Variants in USH1C observed in about 807,000 individuals in gnomAD.
USH1C encodes harmonin.
Under a neutral mutation model 119.3 loss-of-function variants are expected in USH1C, and 90 were observed. The ratio of observed to expected loss-of-function variants is 0.75; its 90% CI spans 0.64 to 0.90. The LOEUF (loss-of-function observed/expected upper bound fraction) is 0.90. USH1C is among the 40% of genes least tolerant of loss of function. The pLI is 0.00. For synonymous variants in USH1C, 465 were observed against 443.3 expected, an observed-to-expected ratio of 1.05 and a Z score of -0.62; for missense variants, 1,165 against 1,167.7, an observed-to-expected ratio of 1.00 and a Z score of 0.03.
At chr11:17,530,209 T>C (rs1220612613) in intron 4 of USH1C, among the ~76,000 whole-genome samples, 1 of 152,160 alleles carries the variant, frequency 6.6e-6, no homozygotes, top group Non-Finnish European at 1.5e-5. Flanking sequence ...CTGGAAGCTC[T>C]TGGTGATGGT....
intron 1 of USH1C, among the ~76,000 whole-genome samples, 188 bp downstream of exon 1, chr11:17,544,084 C>T (rs903494715): frequency 1.3e-5 from 2 of 152,248 alleles, no homozygotes; most frequent in African/African-American, 4.8e-5. Flanking sequence ...GCCGGGAGTC[C>T]CCGCATTCCC....
At chr11:17,503,076 A>G (rs1849507014) in intron 20 of USH1C, among the ~76,000 whole-genome samples, 1 of 152,188 alleles carries the variant, frequency 6.6e-6, no homozygotes, top group Non-Finnish European at 1.5e-5. Context: ...CAGATCCCCA[A>G]GCATCTGCCT....
At chr11:17,533,365 C>CCA (rs746560345) in intron 1 of USH1C, 43 bp from the exon 2 acceptor site, 2 of 1,436,868 alleles carry the variant, frequency 1.4e-6, no homozygotes, top group South Asian at 1.1e-5. Flanking sequence ...GGCTCAGCAC[C>CCA]CGCCCCCATA....
At chr11:17,530,735 T>C (rs1167758658) in intron 4 of USH1C, among the ~76,000 whole-genome samples, 2 of 152,232 alleles carry the variant, frequency 1.3e-5, no homozygotes, top group Non-Finnish European at 2.9e-5. Context: ...AAAGCCAGAA[T>C]TGAACCCGGC....
At chr11:17,539,538 C>T (rs1851368486) in intron 1 of USH1C, among the ~76,000 whole-genome samples, 1 of 152,086 alleles carries the variant, frequency 6.6e-6, no homozygotes, top group Non-Finnish European at 1.5e-5. Context: ...GTAGTAAGTC[C>T]TGTGTTTGTT....
intron 1 of USH1C, among the ~76,000 whole-genome samples, chr11:17,543,942 GCTTGCC>G (rs1565078115): frequency 6.6e-6 from 1 of 152,226 alleles, no homozygotes; most frequent in East Asian, 1.9e-4. Flanking sequence ...AAGGAGAGGG[GCTTGCC>G]CACAAAGGGG....
intron 9 of USH1C, 55 bp from the exon 10 acceptor site, chr11:17,523,533 A>G (rs1317326191): frequency 4.4e-6 from 7 of 1,588,934 alleles, no homozygotes; most frequent in African/African-American, 1.3e-5. Flanking sequence ...ACACTCGCTC[A>G]TCTGCAGGAC....
chr11:17,515,949 G>A (rs1850124888), intron 15 of USH1C, among the ~76,000 whole-genome samples: 1 of 152,236 alleles, frequency 6.6e-6, no homozygotes, highest in Non-Finnish European at 1.5e-5. Context: ...GAGAAACACA[G>A]GAGAAGCTTC....
chr11:17,510,946 T>C (rs1849862205), intron 16 of USH1C, among the ~76,000 whole-genome samples: 1 of 152,236 alleles, frequency 6.6e-6, no homozygotes, highest in Admixed American at 6.5e-5. Flanking sequence ...ATTTTTAATT[T>C]TGTGGCTAAT....
chr11:17,517,875 A>AC (rs1260042757), intron 14 of USH1C, among the ~76,000 whole-genome samples: 3 of 152,152 alleles, frequency 2.0e-5, no homozygotes, highest in African/African-American at 4.8e-5. Context: ...TGTGCTTATC[A>AC]CCCTTGCCTT....
Position 17,496,820 on chromosome 11 carries a change from G to A in USH1C, c.2491-7C>T. 6.2e-7 allele frequency: 1 copy of A among 1,614,134 alleles called. No homozygotes were observed. ...CCACAAGGTCGATCCAGTCCTGTGGGGAGAAGCCGTGTGACTCTGGGGCAC... is the reference window on the plus strand; with the variant it reads ...CCACAAGGTCGATCCAGTCCTGTGGAGAGAAGCCGTGTGACTCTGGGGCAC... On this transcript the variant is annotated splice_region_variant and splice_polypyrimidine_tract_variant and intron_variant, in intron 24 of 26. Transcript: ENST00000005226.
At chr11:17,527,430 G>A in intron 4 of USH1C, 99 bp from the exon 5 acceptor site, 1 of 998,864 alleles carries the variant, frequency 1.0e-6, no homozygotes, top group Non-Finnish European at 1.6e-6. Flanking sequence ...TCCGGAAAAG[G>A]GAAGGGTGGC....
Position 17,523,191 on chromosome 11 carries a change from C to A in USH1C, c.876+20G>T, listed in dbSNP as rs559288917. 6.2e-7 allele frequency: 1 copy of A among 1,614,090 alleles called. No individual in the cohort carries two copies. Among genetic ancestry groups the A allele is most frequent in the African/African-American group, 1.3e-5 (1 of 75,062 alleles). On this transcript the variant is annotated intron_variant, in intron 11 of 26. Transcript: ENST00000005226. ...GGGGATGAAGGTCAAGGGGCTCCCACCAGCTCATTCTGGACTTACAGCTGC... is the reference window on the plus strand; with the variant it reads ...GGGGATGAAGGTCAAGGGGCTCCCAACAGCTCATTCTGGACTTACAGCTGC...
In USH1C at chr11:17,526,692, C is replaced by T. The variant is rs72870320; in HGVS notation, c.579+61G>A. The T allele has an allele frequency of 0.21, 320,334 of 1,555,414 alleles. 35,852 individuals carry two copies. The highest frequency in any genetic ancestry group is 0.32 in the African/African-American group (23,907 of 73,734). On this transcript the variant is annotated intron_variant, in intron 7 of 26. Transcript: ENST00000005226. ...CTAGAGCAAGCCCTCCCTTCAGGAC[C>T]GGCCACCCCTCCTTGAAGATGACCC... is the stretch of plus-strand genomic sequence containing the variant.
In USH1C at chr11:17,531,255, C is replaced by T. The variant is rs769420899; in HGVS notation, c.286G>A (p.Glu96Lys). ...CCACGCACACTCAGGCCGAGGCCTT[C>T]GGGGTGCAGACGGTCCAGACGCACC... ...KEVRLDRLHP[E>K]GLGLSVRGGL... The change falls in exon 4 of 27, where the codon GAA becomes AAA. Residue 96 changes from glutamate to lysine, a missense_variant. Glu to Lys is a moderately conservative substitution (Grantham distance 56). Coordinates refer to ENST00000005226, the MANE Select transcript of USH1C (RefSeq NM_153676.4). This position sits in a 1 kb window ranked among gnomAD's most constrained non-coding sequence, Gnocchi z 4.2. 6 of 1,614,040 alleles carry T rather than the reference C, an allele frequency of 3.7e-6. No homozygotes were observed. Among genetic ancestry groups the T allele is most frequent in the East Asian group, 2.2e-5 (1 of 44,888 alleles).
At chr11:17,508,076 T>A (rs1849719817) in intron 18 of USH1C, among the ~76,000 whole-genome samples, 1 of 152,202 alleles carries the variant, frequency 6.6e-6, no homozygotes, top group Non-Finnish European at 1.5e-5. Flanking sequence ...AGGCAGGTAC[T>A]CAATCAAAGT....
intron 23 of USH1C, among the ~76,000 whole-genome samples, chr11:17,499,670 G>A (rs1055445186): frequency 6.6e-6 from 1 of 152,244 alleles, no homozygotes; most frequent in Admixed American, 6.5e-5. Flanking sequence ...CAGCTGGGCA[G>A]GTCCCCCTTC....
At chr11:17,523,950 C>A (rs1159001653) in intron 9 of USH1C, among the ~76,000 whole-genome samples, 1 of 152,210 alleles carries the variant, frequency 6.6e-6, no homozygotes. Context: ...CCCCATCTTA[C>A]AGGTAAGCAA....
At position 17,527,600 on chromosome 11, in the gene USH1C, G is replaced by C. The variant is rs192769772; in HGVS notation, c.388-269C>G. On this transcript the variant is annotated intron_variant, in intron 4 of 26. Coordinates refer to ENST00000005226, the MANE Select transcript of USH1C (RefSeq NM_153676.4). ...AGGGGCACAGCGGGTGTGCAGCAGA[G>C]CTGGGAGAAGATCTCAGAACTCTCT... Among the ~76,000 whole-genome samples, 504 of 152,332 alleles carry C rather than the reference G, an allele frequency of 3.3e-3. 1 individual carries two copies. The highest frequency in any genetic ancestry group is 0.01 in the South Asian group (50 of 4,830).
Sources: gnomAD v4.1 joint callset for allele counts (sites outside exome capture counted in the v4.1 genomes callset) on GRCh38, gnomAD v4.1.1 for gene constraint, Gnocchi (gnomAD v3.1) non-coding constraint, MANE v1.5 for transcripts, NCBI Gene and HGNC (gene_info 2026-07-23, HGNC 2026-07-21) for gene names.